Variants in MINDY4B observed in about 807,000 individuals in gnomAD.
The protein encoded by MINDY4B is inactive ubiquitin carboxyl-terminal hydrolase MINDY-4B.
A neutral mutation model predicts 16.7 loss-of-function variants in MINDY4B; 25 were observed. The ratio of observed to expected loss-of-function variants is 1.49; its 90% CI spans 1.09 to 2.09. The LOEUF (loss-of-function observed/expected upper bound fraction) is 2.09. Among genes scored for constraint, MINDY4B ranks in the 30% most tolerant of loss-of-function variants. The probability of loss-of-function intolerance (pLI) is 0.00; values close to 1 mark genes in which losing one functional copy is unlikely to be tolerated. For missense variants in MINDY4B, 327 were observed against 168.4 expected, an observed-to-expected ratio of 1.94 and a Z score of -5.21; for synonymous variants, 132 against 61.9, an observed-to-expected ratio of 2.13 and a Z score of -5.32.
chr3:150,892,889 G>C (rs1165047771), intron 5 of MINDY4B, among the ~76,000 whole-genome samples: 1 of 150,980 alleles, frequency 6.6e-6, no homozygotes, highest in Non-Finnish European at 1.5e-5. Context: ...GCAGTGAGCC[G>C]AGATCATGCC....
intron 4 of MINDY4B, among the ~76,000 whole-genome samples, chr3:150,893,769 C>T (rs2107907099): frequency 6.6e-6 from 1 of 151,542 alleles, no homozygotes; most frequent in Non-Finnish European, 1.5e-5. Context: ...CATCTCACTG[C>T]AACTTCCACC....
chr3:150,883,803 G>A (rs943128178), intron 8 of MINDY4B, 31 bp from the exon 9 acceptor site: 3 of 701,660 alleles, frequency 4.3e-6, no homozygotes, highest in African/African-American at 3.5e-5. Context: ...TCAGCATCCA[G>A]TCAGAGACAG....
Position 150,870,973 on chromosome 3 carries a change from C to T in MINDY4B, c.*72G>A. Reference sequence around the variant, plus strand: ...AATGAGAAATATGGAAACGATTGGTCTCCCCCACATTAGGCTTTTGCATCC... The same window carrying T: ...AATGAGAAATATGGAAACGATTGGTTTCCCCCACATTAGGCTTTTGCATCC... On this transcript the variant is annotated 3_prime_UTR_variant, in exon 12 of 12. Coordinates refer to ENST00000465419, the MANE Select transcript of MINDY4B (RefSeq NM_001351281.2). The T allele has an allele frequency of 1.6e-6, 1 of 640,224 alleles. No homozygotes were observed. The allele number at this position is 640,224 out of a possible 1,614,324, so 39.7% of individuals were successfully genotyped here.
At chr3:150,900,379 A>C (rs911825114) in intron 3 of MINDY4B, among the ~76,000 whole-genome samples, 5 of 152,204 alleles carry the variant, frequency 3.3e-5, no homozygotes, top group African/African-American at 9.6e-5. Context: ...CAGAGAAGAG[A>C]AAAGAATAGC....
Sources: gnomAD v4.1 joint callset for allele counts (sites outside exome capture counted in the v4.1 genomes callset) on GRCh38, gnomAD v4.1.1 for gene constraint, MANE v1.5 for transcripts, NCBI Gene and HGNC (gene_info 2026-07-23, HGNC 2026-07-21) for gene names.